The following EPHB3 variants were observed in gnomAD, a reference collection of about 807,000 sequenced individuals.
EPHB3 encodes EPH receptor B3.
A neutral mutation model predicts 100.2 loss-of-function variants in EPHB3; 33 were observed. That is an observed-to-expected ratio of 0.33 (90% CI 0.25 to 0.44). The LOEUF (loss-of-function observed/expected upper bound fraction) is 0.44, where lower values mean the gene tolerates loss of function less well. Among genes scored for constraint, EPHB3 ranks in the 20% least tolerant of loss-of-function variants. The pLI is 1.00. For missense variants in EPHB3, 1,045 were observed against 1,378.3 expected (o/e 0.76, Z 3.83); for synonymous variants, 526 against 554.7 (o/e 0.95, Z 0.73).
intron 13 of EPHB3, 23 bp from the exon 14 acceptor site, chr3:184,580,947 CAG>C: frequency 1.2e-6 from 2 of 1,607,400 alleles, no homozygotes; most frequent in Non-Finnish European, 1.7e-6. Flanking sequence ...GTGGCTCACT[CAG>C]GGTTTCCCTG....
chr3:184,578,041 C>T lies in EPHB3; in HGVS notation c.1748+35C>T, dbSNP rs535811497. The T allele has an allele frequency of 1.2e-6, 2 of 1,604,306 alleles. No homozygotes were observed. The highest frequency in any genetic ancestry group is 1.7e-6 in the Non-Finnish European group (2 of 1,172,594). The stretch of plus-strand genomic sequence containing the variant: ...GGCCCACTGTTGCTCCATGGGCCGC[C>T]TCGAACTGCCCTTTAGCATCCTAGA... On this transcript the variant is annotated intron_variant, in intron 8 of 15. Transcript: ENST00000330394. This position sits in a 1 kb window ranked among gnomAD's most constrained non-coding sequence, Gnocchi z 4.7.
At position 184,569,834 on chromosome 3, in the gene EPHB3, C is replaced by G. The variant is rs374708752; in HGVS notation, c.119-1484C>G. On this transcript the variant is annotated intron_variant, in intron 1 of 15. Coordinates refer to ENST00000330394, the MANE Select transcript of EPHB3 (RefSeq NM_004443.4). The surrounding 1 kb of genome is among the most constrained non-coding windows in gnomAD (Gnocchi z 5.4). ...TTTGGGCTTTTCCCCACTTGGGCAC[C>G]CAGAGGGGATGATGTAGAGGCCTCC... Among the ~76,000 whole-genome samples the G allele has an allele frequency of 7.9e-5, 12 of 152,372 alleles. No individual in the cohort carries two copies. In the East Asian group the frequency reaches 1.9e-3, roughly 24 times the overall value.
At chr3:184,575,208 C>T in intron 3 of EPHB3, 2 of 985,374 alleles carry the variant, frequency 2.0e-6, no homozygotes, top group Non-Finnish European at 2.4e-6. Flanking sequence ...GGGTGAGTCC[C>T]CTTGTGGACA....
At chr3:184,581,433 AGCAGGGCAGGGGGCCCTAG>A (rs1714818791) in intron 15 of EPHB3, 25 bp downstream of exon 15, 1 of 1,584,194 alleles carries the variant, frequency 6.3e-7, no homozygotes. Flanking sequence ...GATTTGGAGG[AGCAGGGCAGGGGGCCCTAG>A]GCTGGGCCCA....
Position 184,577,629 on chromosome 3 carries a change from A to AGT in EPHB3, c.1480-28_1480-27insTG. Reference sequence around the variant, plus strand: ...GCTGGTTGGCCTCAGGACCCACCTGAGGGTGCCCCCTCTCTCCTGGCATTG... The same window carrying AGT: ...GCTGGTTGGCCTCAGGACCCACCTGAGTGGGTGCCCCCTCTCTCCTGGCATTG... On this transcript the variant is annotated intron_variant, in intron 6 of 15. Coordinates refer to ENST00000330394, the MANE Select transcript of EPHB3 (RefSeq NM_004443.4). This position sits in a 1 kb window ranked among gnomAD's most constrained non-coding sequence, Gnocchi z 4.9. 1 of 1,575,324 alleles carries AGT rather than the reference A, an allele frequency of 6.3e-7. No individual in the cohort carries two copies. The highest frequency in any genetic ancestry group is 1.2e-5 in the South Asian group (1 of 85,670).
chr3:184,570,270 T>C (rs1009289841), intron 1 of EPHB3, among the ~76,000 whole-genome samples: 1 of 152,150 alleles, frequency 6.6e-6, no homozygotes, highest in African/African-American at 2.4e-5. Context: ...CTTTCTTTCA[T>C]CCCTCCTTTA....
rs1326324781 is a variant in EPHB3, at chr3:184,577,575, G to T, written c.1480-83G>T. The T allele has an allele frequency of 1.3e-5, 20 of 1,574,966 alleles. No homozygotes were observed. Among genetic ancestry groups the T allele is most frequent in the Non-Finnish European group, 1.6e-5 (19 of 1,158,200 alleles). ...GAGCAAGGCCTTGGGTATGGAGGGG[G>T]CATGTGGCAGGCCTGGGTGTGAATA... On this transcript the variant is annotated intron_variant, in intron 6 of 15. Coordinates refer to ENST00000330394, the MANE Select transcript of EPHB3 (RefSeq NM_004443.4). The surrounding 1 kb of genome is among the most constrained non-coding windows in gnomAD (Gnocchi z 4.9).
At chr3:184,566,013 G>C (rs1264246814) in intron 1 of EPHB3, among the ~76,000 whole-genome samples, 1 of 152,152 alleles carries the variant, frequency 6.6e-6, no homozygotes, top group African/African-American at 2.4e-5. Flanking sequence ...CTGGTTTGTC[G>C]GGATTGGGCA....
chr3:184,565,278 A>C lies in EPHB3; in HGVS notation c.118+2925A>C, dbSNP rs900674454. On this transcript the variant is annotated intron_variant, in intron 1 of 15. Transcript: ENST00000330394. This position sits in a 1 kb window ranked among gnomAD's most constrained non-coding sequence, Gnocchi z 4.8. ...GGGAAACAGGGCCACCTTGTCACCC[A>C]CTGGTCTTTTGAGTAATGTTCCCCA... 6.6e-6 allele frequency among the ~76,000 whole-genome samples: 1 copy of C among 152,012 alleles called. No homozygotes were observed. Among genetic ancestry groups the C allele is most frequent in the African/African-American group, 2.4e-5 (1 of 41,378 alleles).
At chr3:184,567,942 T>C (rs971215195) in intron 1 of EPHB3, among the ~76,000 whole-genome samples, 2 of 152,202 alleles carry the variant, frequency 1.3e-5, no homozygotes, top group African/African-American at 4.8e-5. Context: ...AATCTGTTTG[T>C]ACCATATGCA....
Position 184,579,500 on chromosome 3 carries a change from A to T in EPHB3, c.1825A>T (p.Ile609Phe), listed in dbSNP as rs540556062. 6.2e-7 allele frequency: 1 copy of T among 1,613,830 alleles called. No individual in the cohort carries two copies. Among genetic ancestry groups the T allele is most frequent in the East Asian group, 2.2e-5 (1 of 44,830 alleles). The change falls in exon 10 of 16, where the codon ATT becomes TTT. Residue 609 changes from isoleucine (I) to phenylalanine (F), a missense_variant. Around this residue, in one of 2 missense-constraint regions of EPHB3, gnomAD observed 985 missense variants for 1,331.1 expected, o/e 0.74. Transcript: ENST00000330394. This position sits in a 1 kb window ranked among gnomAD's most constrained non-coding sequence, Gnocchi z 5.2. ...QYIAPGMKVY[I>F]DPFTYEDPNE... ...AGTTGCTCCTGGAATGAAGGTTTAT[A>T]TTGACCCTTTTACCTACGAGGACCC...
Position 184,571,235 on chromosome 3 carries a change from T to G in EPHB3, c.119-83T>G. ...TCCCAAAGTGCTGGGATTACAGGTG[T>G]GAGCCACTTCGCTCATCTGTGATCT... On this transcript the variant is annotated intron_variant, in intron 1 of 15. Coordinates refer to ENST00000330394, the MANE Select transcript of EPHB3 (RefSeq NM_004443.4). The surrounding 1 kb of genome is among the most constrained non-coding windows in gnomAD (Gnocchi z 5.0). 7.0e-7 allele frequency: 1 copy of G among 1,430,858 alleles called. No individual in the cohort carries two copies. Among genetic ancestry groups the G allele is most frequent in the Non-Finnish European group, 9.8e-7 (1 of 1,016,698 alleles). The allele number at this position is 1,430,858 out of a possible 1,614,324, so 88.6% of individuals were successfully genotyped here.
At position 184,579,105 on chromosome 3, in the gene EPHB3, T is replaced by G. The variant is rs531000656; in HGVS notation, c.1802-372T>G. On this transcript the variant is annotated intron_variant, in intron 9 of 15. Transcript: ENST00000330394. This position sits in a 1 kb window ranked among gnomAD's most constrained non-coding sequence, Gnocchi z 5.2. ...GCTGGGGAGTAATACAATGAAAGGA[T>G]TGTTTTAGGAAGACAGCGGTATGCA... Among the ~76,000 whole-genome samples the G allele has an allele frequency of 6.6e-6, 1 of 151,956 alleles. No homozygotes were observed. Among genetic ancestry groups the G allele is most frequent in the East Asian group, 1.9e-4 (1 of 5,164 alleles).
At position 184,572,707 on chromosome 3, in the gene EPHB3, C is replaced by A; in HGVS notation, c.387C>A (p.Thr129=). The change falls in exon 3 of 16, where the codon ACC becomes ACA. Residue 129 remains threonine (T), a synonymous_variant. Transcript: ENST00000330394. The surrounding 1 kb of genome is among the most constrained non-coding windows in gnomAD (Gnocchi z 6.6). ...IPNIPGSCKE[T]FNLFYYEADS... ...ACATCCCCGGCTCCTGCAAGGAGAC[C>A]TTCAACCTCTTCTACTACGAGGCTG... The A allele has an allele frequency of 6.2e-7, 1 of 1,612,670 alleles. No homozygotes were observed. Among genetic ancestry groups the A allele is most frequent in the Non-Finnish European group, 8.5e-7 (1 of 1,179,576 alleles).
At position 184,576,952 on chromosome 3, in the gene EPHB3, G is replaced by A. The variant is rs776669177; in HGVS notation, c.1123G>A (p.Val375Ile). The change falls in exon 5 of 16, where the codon GTC becomes ATC. Residue 375 changes from valine to isoleucine, a missense_variant. By Grantham distance (29) the Val-to-Ile change is conservative. Coordinates refer to ENST00000330394, the MANE Select transcript of EPHB3 (RefSeq NM_004443.4). Reference protein sequence around the residue: ...LGGRDDLLYNVICKKCHGAGG... With the variant: ...LGGRDDLLYNIICKKCHGAGG... ...TGGCCGGGATGACCTCCTGTACAATGTCATCTGCAAGAAGTGCCATGGGGC... is the reference window on the plus strand; with the variant it reads ...TGGCCGGGATGACCTCCTGTACAATATCATCTGCAAGAAGTGCCATGGGGC... The A allele has an allele frequency of 2.4e-5, 38 of 1,612,060 alleles. No individual in the cohort carries two copies. The highest frequency in any genetic ancestry group is 3.3e-4 in the Middle Eastern group (2 of 6,080).
Position 184,577,167 on chromosome 3 carries a change from C to G in EPHB3, c.1338C>G (p.Ile446Met). 1 of 1,599,660 alleles carries G rather than the reference C, an allele frequency of 6.3e-7. No individual in the cohort carries two copies. Among genetic ancestry groups the G allele is most frequent in the Non-Finnish European group, 8.5e-7 (1 of 1,170,584 alleles). Residue 446 changes from isoleucine (I) to methionine (M), a missense_variant, in exon 5 of 16, where the codon ATC (isoleucine) becomes ATG (methionine). Transcript: ENST00000330394. This position sits in a 1 kb window ranked among gnomAD's most constrained non-coding sequence, Gnocchi z 4.9. ...PLPPRYAAVN[I>M]TTNQAAPSEV... ...CGCCTCGTTATGCGGCCGTGAATAT[C>G]ACCACAAACCAGGCTGGTGAGGAGG...
chr3:184,576,263 G>T (rs144501769), intron 4 of EPHB3, among the ~76,000 whole-genome samples: 2 of 148,308 alleles, frequency 1.3e-5, no homozygotes, highest in East Asian at 2.2e-4. Context: ...CTCAGGAACT[G>T]GCTCCTAGCC....
At chr3:184,574,851 C>G (rs1296941337) in intron 3 of EPHB3, among the ~76,000 whole-genome samples, 2 of 152,194 alleles carry the variant, frequency 1.3e-5, no homozygotes, top group Non-Finnish European at 2.9e-5. Flanking sequence ...GCCCCCTCCC[C>G]CACTGGCTCA....
At chr3:184,581,188 C>T (rs1714810824) in intron 14 of EPHB3, 23 bp downstream of exon 14, 1 of 1,611,168 alleles carries the variant, frequency 6.2e-7, no homozygotes, top group African/African-American at 1.3e-5. Context: ...GCCTCTGCTC[C>T]CGCCAAGCCA....
Sources: gnomAD v4.1 joint callset for allele counts (sites outside exome capture counted in the v4.1 genomes callset) on GRCh38, gnomAD v4.1.1 for gene constraint, gnomAD v4.1.1 regional missense constraint, Gnocchi (gnomAD v3.1) non-coding constraint, MANE v1.5 for transcripts, NCBI Gene and HGNC (gene_info 2026-07-23, HGNC 2026-07-21) for gene names.